Variants in CLIC5 observed in about 807,000 individuals in gnomAD.
CLIC5 encodes the protein chloride intracellular channel protein 5.
CLIC5 carries 20 observed loss-of-function variants against 24.7 expected under a neutral mutation model. That is an observed-to-expected ratio of 0.81 (90% CI 0.57 to 1.18). The LOEUF (loss-of-function observed/expected upper bound fraction) is 1.18. Among genes scored for constraint, CLIC5 ranks in the 50% most tolerant of loss-of-function variants. The pLI is 0.00. For synonymous variants in CLIC5, 159 were observed against 135.6 expected, an observed-to-expected ratio of 1.17 and a Z score of -1.20; for missense variants, 341 against 326.1, an observed-to-expected ratio of 1.05 and a Z score of -0.35.
chr6:46,103,214 A>G, the CLIC5 span, among the ~76,000 whole-genome samples: 1 of 152,210 alleles, frequency 6.6e-6, no homozygotes, highest in Non-Finnish European at 1.5e-5. Flanking sequence ...TGGGCTTCTT[A>G]AAATTATATA....
rs532504120 is a variant in CLIC5 at position 46,072,294 on chromosome 6, G to A, written c.540+7409C>T. 2.4e-3 allele frequency among the ~76,000 whole-genome samples: 362 copies of A among 151,944 alleles called. 2 individuals are homozygous for A. The highest frequency in any genetic ancestry group is 8.2e-3 in the African/African-American group (341 of 41,462). ...TTCCTGTGGCTAGGTGGGGGGAGGG[G>A]GGATCCTAGGGAGATGGATGACTCT... On this transcript the variant is annotated intron_variant, in intron 1 of 5. Coordinates refer to the CLIC5 transcript ENST00000185206.
intron 6 of CLIC5, among the ~76,000 whole-genome samples, chr6:45,886,238 A>T (rs1313404505): frequency 6.6e-6 from 1 of 152,184 alleles, no homozygotes; most frequent in East Asian, 1.9e-4. Context: ...AAAACTCCCC[A>T]GGGTGCAGCC....
chr6:45,972,729 G>A (rs1765241775), intron 1 of CLIC5, among the ~76,000 whole-genome samples: 1 of 152,098 alleles, frequency 6.6e-6, no homozygotes, highest in African/African-American at 2.4e-5. Context: ...TGAGAAGGCT[G>A]GTCTTCAGAA....
chr6:46,065,052 TAA>T (rs1192045511), intron 1 of CLIC5, among the ~76,000 whole-genome samples: 1 of 152,174 alleles, frequency 6.6e-6, no homozygotes, highest in Non-Finnish European at 1.5e-5. Context: ...CTTGACTATA[TAA>T]AGAGGTTTTA....
At chr6:45,918,958 GCACACACATAGCTGGTCCTTAAACCATT>G in intron 4 of CLIC5, 1 of 985,404 alleles carries the variant, frequency 1.0e-6, no homozygotes, top group Non-Finnish European at 1.2e-6. Context: ...GCTTATGCAA[GCACACACATAGCTGGTCCTTAAACCATT>G]CAAACTACTC....
At chr6:45,977,956 G>A (rs1377137482) in intron 1 of CLIC5, among the ~76,000 whole-genome samples, 1 of 152,174 alleles carries the variant, frequency 6.6e-6, no homozygotes, top group Non-Finnish European at 1.5e-5. Context: ...TTGCTGCAGT[G>A]GTGGGGTTTT....
chr6:45,981,604 G>T lies in CLIC5; in HGVS notation c.64-26360C>A, dbSNP rs1399810010. Among the ~76,000 whole-genome samples, 3 of 152,178 alleles carry T rather than the reference G, an allele frequency of 2.0e-5. 1 individual carries two copies. The highest frequency in any genetic ancestry group is 1.5e-5 in the Non-Finnish European group (1 of 68,048). On this transcript the variant is annotated intron_variant, in intron 1 of 5. Transcript: ENST00000339561. The stretch of plus-strand genomic sequence containing the variant: ...CTCCCTTAGTTACCACCTCTGTGGG[G>T]GCCAGGCCTAGGTGGGAGGAAAACC...
At chr6:46,092,077 T>C in the CLIC5 span, among the ~76,000 whole-genome samples, 4 of 152,206 alleles carry the variant, frequency 2.6e-5, no homozygotes, top group African/African-American at 9.6e-5. Context: ...ATAACAACTC[T>C]TAGGAGCTTG....
intron 1 of CLIC5, among the ~76,000 whole-genome samples, chr6:46,004,424 G>A (rs537940418): frequency 5.3e-5 from 8 of 152,290 alleles, no homozygotes; most frequent in African/African-American, 1.7e-4. Flanking sequence ...AACCTACCAT[G>A]ATGTCCTCCA....
upstream of CLIC5, among the ~76,000 whole-genome samples, chr6:46,081,436 T>C (rs940395298): frequency 3.9e-5 from 6 of 152,224 alleles, no homozygotes; most frequent in Non-Finnish European, 7.3e-5. Flanking sequence ...CAAAACTTCG[T>C]TGTACTCTTA....
At chr6:46,046,465 A>T (rs1767955379) in intron 1 of CLIC5, among the ~76,000 whole-genome samples, 1 of 152,212 alleles carries the variant, frequency 6.6e-6, no homozygotes, top group African/African-American at 2.4e-5. Flanking sequence ...GAAATGGTCA[A>T]AAGTCTCTTT....
the CLIC5 span, among the ~76,000 whole-genome samples, chr6:46,120,480 GA>G: frequency 7.2e-5 from 11 of 152,148 alleles, no homozygotes; most frequent in Non-Finnish European, 1.5e-4. Flanking sequence ...CAAAGATGGG[GA>G]AAAAACAGAA....
chr6:45,981,257 C>G (rs774957269), intron 1 of CLIC5, among the ~76,000 whole-genome samples: 1 of 152,046 alleles, frequency 6.6e-6, no homozygotes, highest in Non-Finnish European at 1.5e-5. Flanking sequence ...GCATGAGCCA[C>G]CGCACCTGGC....
the CLIC5 span, among the ~76,000 whole-genome samples, chr6:46,096,851 A>G: frequency 6.6e-5 from 10 of 152,256 alleles, no homozygotes; most frequent in Non-Finnish European, 8.8e-5. Context: ...TTTCTTTTAT[A>G]TGAAGCTATA....
chr6:45,921,747 T>C (rs907690522), intron 4 of CLIC5, among the ~76,000 whole-genome samples: 1 of 152,190 alleles, frequency 6.6e-6, no homozygotes, highest in Non-Finnish European at 1.5e-5. Context: ...CCTAACATGT[T>C]AGGGATCTAA....
chr6:45,924,852 A>G (rs540705397), intron 4 of CLIC5, among the ~76,000 whole-genome samples: 1 of 152,328 alleles, frequency 6.6e-6, no homozygotes, highest in South Asian at 2.1e-4. Context: ...ACAGAAGGCC[A>G]AATAACCAAG....
chr6:45,895,381 C>G (rs1762384514), downstream of CLIC5, among the ~76,000 whole-genome samples: 1 of 152,148 alleles, frequency 6.6e-6, no homozygotes, highest in Non-Finnish European at 1.5e-5. Flanking sequence ...GCTTAGGTAG[C>G]TTTTCATTTT....
At chr6:46,076,759 T>G (rs745686449) in intron 1 of CLIC5, among the ~76,000 whole-genome samples, 13 of 152,220 alleles carry the variant, frequency 8.5e-5, no homozygotes, top group Non-Finnish European at 1.5e-4. Context: ...CATATCCTGT[T>G]TTATAGCATT....
chr6:45,912,235 T>C (rs1367618855), intron 5 of CLIC5: 4 of 988,618 alleles, frequency 4.0e-6, no homozygotes, highest in Non-Finnish European at 4.8e-6. Flanking sequence ...TGGGATCTGA[T>C]AAGCTGGATC....
Sources: allele counts gnomAD v4.1 joint callset (sites outside exome capture counted in the v4.1 genomes callset), GRCh38; gene constraint gnomAD v4.1.1; transcripts MANE v1.5; gene names NCBI Gene and HGNC (gene_info 2026-07-23, HGNC 2026-07-21).